The following OGDHL variants were observed in gnomAD, a reference collection of about 807,000 sequenced individuals.
OGDHL encodes 2-oxoglutarate dehydrogenase-like, mitochondrial.
In OGDHL, 79 loss-of-function variants were observed where a neutral mutation model predicts 109.6. That is an observed-to-expected ratio of 0.72 (90% CI 0.60 to 0.87). OGDHL has a LOEUF of 0.87. Among genes scored for constraint, OGDHL ranks in the 40% least tolerant of loss-of-function variants. The pLI, the probability that OGDHL is intolerant of heterozygous loss-of-function variation, is 0.00. For missense variants in OGDHL, 1,275 were observed against 1,362.2 expected, an observed-to-expected ratio of 0.94 and a Z score of 1.01; for synonymous variants, 528 against 537.2, an observed-to-expected ratio of 0.98 and a Z score of 0.24.
rs182774746 is a variant in OGDHL at position 49,738,146 on chromosome 10, C to T, written c.2391+45G>A. On this transcript the variant is annotated intron_variant, in intron 18 of 22. Coordinates refer to ENST00000374103, the MANE Select transcript of OGDHL (RefSeq NM_018245.3). ...CACCCTGGACCCCTAGCCCTGTGGG[C>T]ACAATAGGGCGCGTCCCTGTCCTGG... The T allele has an allele frequency of 7.1e-3, 11,441 of 1,613,888 alleles. 72 individuals are homozygous for T. Among genetic ancestry groups the T allele is most frequent in the Non-Finnish European group, 7.4e-3 (8,773 of 1,179,788 alleles).
At position 49,735,004 on chromosome 10, in the gene OGDHL, A is replaced by G. The variant is rs762252577; in HGVS notation, c.*224T>C. On this transcript the variant is annotated 3_prime_UTR_variant, in exon 23 of 23. Transcript: ENST00000374103. ...GATGGGAGCAGCTGGGGGATGCTCC[A>G]GCACAGTAGCCTGCCTATAGGACTC... 2.1e-4 allele frequency: 95 copies of G among 443,900 alleles called. No individual in the cohort carries two copies. Among genetic ancestry groups the G allele is most frequent in the South Asian group, 3.1e-4 (8 of 25,472 alleles). The allele number at this position is 443,900 out of a possible 1,614,324, so 27.5% of individuals were successfully genotyped here.
In OGDHL at chr10:49,742,744, A is replaced by G. The variant is rs904132322; in HGVS notation, c.2012+84T>C. Reference sequence around the variant, plus strand: ...GGGATGCTGTGAAGATCCCACCCCAACAAAGGCCCCCTCGGGATCCCCAAG... The same window carrying G: ...GGGATGCTGTGAAGATCCCACCCCAGCAAAGGCCCCCTCGGGATCCCCAAG... On this transcript the variant is annotated intron_variant, in intron 15 of 22. Transcript: ENST00000374103. 20 of 1,495,116 alleles carry G rather than the reference A, an allele frequency of 1.3e-5. No homozygotes were observed. In the African/African-American group the frequency reaches 2.2e-4, roughly 17 times the overall value. 92.6% of individuals were successfully genotyped at this position (1,495,116 alleles called of 1,614,324 possible).
Position 49,746,730 on chromosome 10 carries a change from C to T in OGDHL, c.1296+20G>A, listed in dbSNP as rs755832386. 21 of 1,613,012 alleles carry T rather than the reference C, an allele frequency of 1.3e-5. No individual in the cohort carries two copies. Among genetic ancestry groups the T allele is most frequent in the African/African-American group, 5.3e-5 (4 of 74,938 alleles). ...GGGATGCTGACGCTGTGAGGCCCAGCGTGGAGCCTACATGCTCACCTGGTT... is the reference window on the plus strand; with the variant it reads ...GGGATGCTGACGCTGTGAGGCCCAGTGTGGAGCCTACATGCTCACCTGGTT... On this transcript the variant is annotated intron_variant, in intron 10 of 22. Transcript: ENST00000374103.
Position 49,740,818 on chromosome 10 carries a change from G to A in OGDHL, c.2032C>T (p.His678Tyr). 4 of 1,613,902 alleles carry A rather than the reference G, an allele frequency of 2.5e-6. No individual in the cohort carries two copies. The highest frequency in any genetic ancestry group is 3.4e-6 in the Non-Finnish European group (4 of 1,179,846). ...GTCCTGCGGTCAACCTCCTGGTCATGGAGAACATGGTGCCGGTGACTGCAG... is the reference window on the plus strand; with the variant it reads ...GTCCTGCGGTCAACCTCCTGGTCATAGAGAACATGGTGCCGGTGACTGCAG... ...GTFSHRHHVL[H>Y]DQEVDRRTCV... Residue 678 changes from histidine (H) to tyrosine (Y), a missense_variant, in exon 16 of 23, where the codon CAT (histidine) becomes TAT (tyrosine). Coordinates refer to ENST00000374103, the MANE Select transcript of OGDHL (RefSeq NM_018245.3).
intron 11 of OGDHL, 46 bp downstream of exon 11, chr10:49,745,752 G>A (rs894580176): frequency 1.3e-6 from 2 of 1,593,650 alleles, no homozygotes; most frequent in Admixed American, 3.4e-5. Flanking sequence ...CAGCACAGCA[G>A]GGATGGGCCA....
chr10:49,761,226 C>G (rs1843252759), intron 1 of OGDHL, among the ~76,000 whole-genome samples: 1 of 152,200 alleles, frequency 6.6e-6, no homozygotes, highest in Non-Finnish European at 1.5e-5. Flanking sequence ...CCCTGGGTAT[C>G]TCTTGGGGGT....
intron 12 of OGDHL, among the ~76,000 whole-genome samples, chr10:49,744,968 G>C (rs1842068076): frequency 6.6e-6 from 1 of 152,224 alleles, no homozygotes; most frequent in South Asian, 2.1e-4. Flanking sequence ...AGTGCGCTCA[G>C]CAAGGGGCTT....
At chr10:49,744,421 T>C (rs547761129) in intron 13 of OGDHL, among the ~76,000 whole-genome samples, 9 of 152,288 alleles carry the variant, frequency 5.9e-5, no homozygotes, top group Admixed American at 4.6e-4. Context: ...CTCTCCCACC[T>C]GGCTATGCCC....
intron 1 of OGDHL, among the ~76,000 whole-genome samples, chr10:49,760,518 TC>T (rs1404999453): frequency 6.6e-6 from 1 of 152,114 alleles, no homozygotes; most frequent in East Asian, 1.9e-4. Context: ...TTCTAGAGCA[TC>T]AAAAAGAATC....
chr10:49,749,012 C>A (rs1445493249), intron 8 of OGDHL, among the ~76,000 whole-genome samples: 1 of 152,152 alleles, frequency 6.6e-6, no homozygotes, highest in Non-Finnish European at 1.5e-5. Flanking sequence ...AGTTCAAGAC[C>A]AGCCTGACCA....
Position 49,745,403 on chromosome 10 carries a change from G to C in OGDHL, c.1570C>G (p.Leu524Val), listed in dbSNP as rs1245737817. ...YKQIHRQVPV[L>V]KKYADKLIAE... Reference sequence around the variant, plus strand: ...ATCAGCTTGTCTGCGTACTTCTTCAGCACAGGCACCTGTCTGTGGATCTGC... The same window carrying C: ...ATCAGCTTGTCTGCGTACTTCTTCACCACAGGCACCTGTCTGTGGATCTGC... The change falls in exon 12 of 23, where the codon CTG becomes GTG. Residue 524 changes from leucine to valine, a missense_variant. Physicochemically the swap from Leu to Val is conservative, Grantham distance 32 (BLOSUM62 1). Coordinates refer to ENST00000374103, the MANE Select transcript of OGDHL (RefSeq NM_018245.3). The C allele has an allele frequency of 1.2e-6, 2 of 1,614,140 alleles. No homozygotes were observed. Among genetic ancestry groups the C allele is most frequent in the Admixed American group, 3.3e-5 (2 of 60,030 alleles).
rs139527843 is a variant in OGDHL at position 49,742,052 on chromosome 10, G to T, written c.2012+776C>A. On this transcript the variant is annotated intron_variant, in intron 15 of 22. Transcript: ENST00000374103. Reference sequence around the variant, plus strand: ...ATGACACATACCACACATATCACACGCACACCACACTACACACCACACACC... The same window carrying T: ...ATGACACATACCACACATATCACACTCACACCACACTACACACCACACACC... 1.7e-4 allele frequency among the ~76,000 whole-genome samples: 11 copies of T among 65,456 alleles called. No homozygotes were observed. The East Asian group carries it at 5.0e-3, about 30-fold the overall frequency. 42.9% of individuals were successfully genotyped at this position (65,456 alleles called of 152,430 possible).
chr10:49,736,406 C>T lies in OGDHL; in HGVS notation c.2705G>A (p.Arg902Gln), dbSNP rs777515897. 14 of 1,614,020 alleles carry T rather than the reference C, an allele frequency of 8.7e-6. No homozygotes were observed. The highest frequency in any genetic ancestry group is 2.2e-5 in the South Asian group (2 of 91,082). The change falls in exon 21 of 23, where the codon CGG becomes CAG. Residue 902 changes from arginine to glutamine, a missense_variant. Coordinates refer to ENST00000374103, the MANE Select transcript of OGDHL (RefSeq NM_018245.3). ...TTTCTCCTCCAGGTCCTGGCTGCTC[C>T]GCTCCTTCACCAGGTCATAGTACAC... ...GKVYYDLVKERSSQDLEEKVA... is the reference protein window; with the variant it reads ...GKVYYDLVKEQSSQDLEEKVA...
chr10:49,735,462 GC>G, intron 22 of OGDHL, 111 bp from the exon 23 acceptor site: 1 of 1,312,218 alleles, frequency 7.6e-7, no homozygotes, highest in Non-Finnish European at 1.0e-6. Context: ...TGACCTCGAA[GC>G]CATAGACCCT....
intron 1 of OGDHL, among the ~76,000 whole-genome samples, chr10:49,760,024 T>C (rs553819960): frequency 7.9e-5 from 12 of 152,364 alleles, no homozygotes; most frequent in Non-Finnish European, 1.6e-4. Flanking sequence ...GGCTGGACTT[T>C]CCACAAAAGG....
chr10:49,735,063 T>A lies in OGDHL; in HGVS notation c.*165A>T. ...CCCTCAGTCCTGGTAGATTCTGGCATGACACCAAGGCCAGCAGTGCTGGCT... is the reference window on the plus strand; with the variant it reads ...CCCTCAGTCCTGGTAGATTCTGGCAAGACACCAAGGCCAGCAGTGCTGGCT... On this transcript the variant is annotated 3_prime_UTR_variant, in exon 23 of 23. Coordinates refer to ENST00000374103, the MANE Select transcript of OGDHL (RefSeq NM_018245.3). 1.2e-6 allele frequency: 1 copy of A among 801,992 alleles called. No individual in the cohort carries two copies. The highest frequency in any genetic ancestry group is 2.7e-5 in the East Asian group (1 of 37,120). 49.7% of individuals were successfully genotyped at this position (801,992 alleles called of 1,614,324 possible).
chr10:49,759,530 C>T (rs1324736283), intron 1 of OGDHL, among the ~76,000 whole-genome samples: 2 of 94 alleles, frequency 0.021, no homozygotes, highest in Non-Finnish European at 0.053. Context: ...TTCTAAGAGC[C>T]CTCTGCCAAT....
At position 49,735,430 on chromosome 10, in the gene OGDHL, G is replaced by C. The variant is rs575296313; in HGVS notation, c.2910-79C>G. Reference sequence around the variant, plus strand: ...CGCTGCCCTCACTCCGGGACTGCAGGGGGCACGCATCTGAGAACCGCTGAC... The same window carrying C: ...CGCTGCCCTCACTCCGGGACTGCAGCGGGCACGCATCTGAGAACCGCTGAC... On this transcript the variant is annotated intron_variant, in intron 22 of 22. Coordinates refer to ENST00000374103, the MANE Select transcript of OGDHL (RefSeq NM_018245.3). The C allele has an allele frequency of 4.2e-5, 64 of 1,527,682 alleles. 1 individual carries two copies. The South Asian group carries it at 7.6e-4, about 18-fold the overall frequency. The allele number at this position is 1,527,682 out of a possible 1,614,324, so 94.6% of individuals were successfully genotyped here.
intron 16 of OGDHL, 126 bp from the exon 17 acceptor site, chr10:49,739,965 C>T: frequency 2.1e-6 from 2 of 932,508 alleles, no homozygotes; most frequent in Admixed American, 5.5e-5. Flanking sequence ...CCAGGACGAA[C>T]CCAGGGATTC....
Sources: gnomAD v4.1 joint callset for allele counts (sites outside exome capture counted in the v4.1 genomes callset) on GRCh38, gnomAD v4.1.1 for gene constraint, MANE v1.5 for transcripts, NCBI Gene and HGNC (gene_info 2026-07-23, HGNC 2026-07-21) for gene names.